JAM3: variants seen among roughly 807,000 people sequenced by gnomAD.
JAM3 encodes the protein junctional adhesion molecule C.
Under a neutral mutation model 39.4 loss-of-function variants are expected in JAM3, and 31 were observed. The observed-to-expected ratio is 0.79, with a 90% CI of 0.59 to 1.06. The LOEUF (loss-of-function observed/expected upper bound fraction) is 1.06, where lower values mean the gene tolerates loss of function less well. JAM3 is among the 50% of genes least tolerant of loss of function. The pLI is 0.00. For synonymous variants in JAM3, 182 were observed against 148.7 expected, an observed-to-expected ratio of 1.22 and a Z score of -1.63; for missense variants, 455 against 391.4, an observed-to-expected ratio of 1.16 and a Z score of -1.37.
intron 6 of JAM3, 22 bp downstream of exon 6, chr11:134,146,067 G>A (rs751888935): frequency 2.7e-6 from 4 of 1,477,520 alleles, no homozygotes; most frequent in Non-Finnish European, 3.8e-6. Context: ...TTTTGAAGAG[G>A]TTTCATCGCA....
intron 1 of JAM3, among the ~76,000 whole-genome samples, chr11:134,074,619 C>G (rs1466260239): frequency 6.6e-6 from 1 of 152,096 alleles, no homozygotes; most frequent in Admixed American, 6.5e-5. Flanking sequence ...CTGAGAGCTG[C>G]CGAGATTACC....
At chr11:134,120,458 C>T (rs527307655) in intron 1 of JAM3, among the ~76,000 whole-genome samples, 3 of 152,332 alleles carry the variant, frequency 2.0e-5, no homozygotes, top group Admixed American at 1.3e-4. Flanking sequence ...TCTTTTCCTT[C>T]TTGGCTTACT....
chr11:134,073,475 C>A (rs542568898), intron 1 of JAM3, among the ~76,000 whole-genome samples: 1 of 152,262 alleles, frequency 6.6e-6, no homozygotes. Flanking sequence ...TCAAATTCTG[C>A]CATAGTCATG....
intron 1 of JAM3, 127 bp from the exon 2 acceptor site, chr11:134,139,724 G>A (rs1249654117): frequency 1.3e-6 from 1 of 761,238 alleles, no homozygotes; most frequent in African/African-American, 1.7e-5. Context: ...CTTTATTGTG[G>A]AATATTTTTC....
At chr11:134,099,910 CCTTT>C (rs984734325) in intron 1 of JAM3, among the ~76,000 whole-genome samples, 5 of 152,192 alleles carry the variant, frequency 3.3e-5, no homozygotes, top group South Asian at 4.2e-4. Flanking sequence ...CGGCTTGCTT[CCTTT>C]ATTTTTCTAA....
intron 1 of JAM3, among the ~76,000 whole-genome samples, chr11:134,100,798 GA>G (rs1942060149): frequency 6.6e-6 from 1 of 152,208 alleles, no homozygotes; most frequent in Non-Finnish European, 1.5e-5. Flanking sequence ...AGAAACACTT[GA>G]TAAGCAGTAG....
chr11:134,148,378 T>C lies in JAM3; in HGVS notation c.713-169T>C, dbSNP rs1161522065. The C allele has an allele frequency of 5.5e-6, 4 of 726,994 alleles. No individual in the cohort carries two copies. In the African/African-American group the frequency reaches 7.0e-5, roughly 13 times the overall value. The allele number at this position is 726,994 out of a possible 1,614,324, so 45.0% of individuals were successfully genotyped here. On this transcript the variant is annotated intron_variant, in intron 6 of 8. Coordinates refer to ENST00000299106, the MANE Select transcript of JAM3 (RefSeq NM_032801.5). ...AAGTTAGGAGTTATGGTGTCCTATA[T>C]GTTCTAGGCTAGAAGGATTGTAAGT...
At chr11:134,139,977 C>T in intron 2 of JAM3, 61 bp downstream of exon 2, 1 of 1,271,516 alleles carries the variant, frequency 7.9e-7, no homozygotes, top group South Asian at 1.2e-5. Context: ...TGATGTCTTG[C>T]AGCCAACTCA....
At position 134,140,723 on chromosome 11, in the gene JAM3, T is replaced by G; in HGVS notation, c.209T>G (p.Ile70Ser). ...GACCCCAGGATCGAGTGGAAGAAAA[T>G]TCAAGATGAACAAACCACATATGTG... is the stretch of plus-strand genomic sequence containing the variant. ...TSDPRIEWKK[I>S]QDEQTTYVFF... is the part of the protein sequence containing the mutation. Residue 70 changes from isoleucine to serine, a missense_variant, in exon 3 of 9, where the codon ATT becomes AGT. Transcript: ENST00000299106. The G allele has an allele frequency of 6.2e-7, 1 of 1,613,448 alleles. No homozygotes were observed.
chr11:134,138,245 C>T lies in JAM3; in HGVS notation c.77-1606C>T, dbSNP rs113166803. 4.3e-3 allele frequency among the ~76,000 whole-genome samples: 301 copies of T among 70,578 alleles called. 9 individuals carry two copies. Among genetic ancestry groups the T allele is most frequent in the Middle Eastern group, 0.018 (2 of 110 alleles). 46.3% of individuals were successfully genotyped at this position (70,578 alleles called of 152,430 possible). ...AATAGTCCCTTAGAGCCAGTGGTGGCGTCTCGTCGAAGTCGTGGTGCTCAT... is the reference window on the plus strand; with the variant it reads ...AATAGTCCCTTAGAGCCAGTGGTGGTGTCTCGTCGAAGTCGTGGTGCTCAT... On this transcript the variant is annotated intron_variant, in intron 1 of 8. Transcript: ENST00000299106.
intron 1 of JAM3, among the ~76,000 whole-genome samples, chr11:134,104,666 A>G (rs1331744423): frequency 6.6e-6 from 1 of 152,192 alleles, no homozygotes; most frequent in African/African-American, 2.4e-5. Context: ...AAAATGATAA[A>G]GGAGATATCG....
At chr11:134,098,290 G>A (rs889133827) in intron 1 of JAM3, among the ~76,000 whole-genome samples, 26 of 152,080 alleles carry the variant, frequency 1.7e-4, no homozygotes, top group Admixed American at 1.1e-3. Context: ...ACTTCAGAGA[G>A]GAAAACTAAG....
At chr11:134,144,494 C>A in intron 4 of JAM3, 101 bp downstream of exon 4, 4 of 1,400,374 alleles carry the variant, frequency 2.9e-6, no homozygotes, top group Non-Finnish European at 4.0e-6. Flanking sequence ...CTGAGGGCTT[C>A]ACATGGCTTA....
intron 3 of JAM3, among the ~76,000 whole-genome samples, chr11:134,143,623 G>T (rs1236817119): frequency 6.6e-6 from 1 of 152,172 alleles, no homozygotes; most frequent in African/African-American, 2.4e-5. Context: ...CGATTTGCAG[G>T]TATTTCTCCC....
At chr11:134,131,390 A>G (rs1047775100) in intron 1 of JAM3, among the ~76,000 whole-genome samples, 1 of 152,104 alleles carries the variant, frequency 6.6e-6, no homozygotes. Context: ...CAAATGGACT[A>G]CTACAGCCTT....
chr11:134,115,539 G>A (rs1251854094), intron 1 of JAM3, among the ~76,000 whole-genome samples: 1 of 152,082 alleles, frequency 6.6e-6, no homozygotes, highest in Non-Finnish European at 1.5e-5. Context: ...TAGTGGTTAG[G>A]TGTTTTGCAG....
At chr11:134,129,212 G>T (rs1049407832) in intron 1 of JAM3, among the ~76,000 whole-genome samples, 3 of 151,408 alleles carry the variant, frequency 2.0e-5, no homozygotes, top group East Asian at 1.9e-4. Flanking sequence ...CTCCACCCAG[G>T]TTCACGCCAT....
intron 1 of JAM3, among the ~76,000 whole-genome samples, chr11:134,128,097 G>T (rs1942687835): frequency 6.6e-6 from 1 of 152,090 alleles, no homozygotes; most frequent in South Asian, 2.1e-4. Flanking sequence ...AAAGAAAAAA[G>T]AAAGGTTTTC....
At chr11:134,117,585 G>T (rs1021439986) in intron 1 of JAM3, among the ~76,000 whole-genome samples, 1 of 152,132 alleles carries the variant, frequency 6.6e-6, no homozygotes, top group Non-Finnish European at 1.5e-5. Flanking sequence ...GTTACCACTG[G>T]AATATTTTAT....
Sources: gnomAD v4.1 joint callset for allele counts (sites outside exome capture counted in the v4.1 genomes callset) on GRCh38, gnomAD v4.1.1 for gene constraint, MANE v1.5 for transcripts, NCBI Gene and HGNC (gene_info 2026-07-23, HGNC 2026-07-21) for gene names.